The following ATP2B2 variants were observed in gnomAD, a reference collection of about 807,000 sequenced individuals.
ATP2B2 encodes the protein ATPase plasma membrane Ca2+ transporting 2.
In ATP2B2, 15 loss-of-function variants were observed where a neutral mutation model predicts 120.0. That is an observed-to-expected ratio of 0.12 (90% CI 0.08 to 0.19). The LOEUF (loss-of-function observed/expected upper bound fraction) is 0.19, where lower values mean the gene tolerates loss of function less well. Ranked by LOEUF, ATP2B2 falls within the 10% of genes least tolerant of loss-of-function variation. The pLI, the probability that ATP2B2 is intolerant of heterozygous loss-of-function variation, is 1.00. For missense variants in ATP2B2, 1,045 were observed against 1,719.8 expected, an observed-to-expected ratio of 0.61 and a Z score of 6.94; for synonymous variants, 694 against 700.3, an observed-to-expected ratio of 0.99 and a Z score of 0.14.
intron 14 of ATP2B2, among the ~76,000 whole-genome samples, chr3:10,352,426 G>T (rs866430073): frequency 1.0e-3 from 152 of 152,368 alleles, no homozygotes; most frequent in African/African-American, 3.5e-3. Context: ...GTGGCGTGAG[G>T]AACGGATGCT....
At chr3:10,425,139 T>TAA (rs967405156) in intron 2 of ATP2B2, among the ~76,000 whole-genome samples, 1 of 146,172 alleles carries the variant, frequency 6.8e-6, no homozygotes, top group African/African-American at 2.7e-5. Context: ...AAAATATATA[T>TAA]ATATACGTAT....
At chr3:10,483,568 C>T (rs1458677698) in intron 1 of ATP2B2, among the ~76,000 whole-genome samples, 6 of 152,272 alleles carry the variant, frequency 3.9e-5, no homozygotes, top group South Asian at 2.1e-4. Context: ...GTCTGATGAG[C>T]GATCTACCTG....
chr3:10,335,248 C>T (rs1056273422), intron 22 of ATP2B2, among the ~76,000 whole-genome samples: 1 of 152,166 alleles, frequency 6.6e-6, no homozygotes, highest in Non-Finnish European at 1.5e-5. Context: ...ATGTGAGGCT[C>T]GACCCACCAT....
chr3:10,392,234 T>C (rs1448802382), intron 5 of ATP2B2, among the ~76,000 whole-genome samples: 1 of 152,120 alleles, frequency 6.6e-6, no homozygotes, highest in African/African-American at 2.4e-5. Flanking sequence ...ATTTTGAACT[T>C]TCCAGGGTGG....
intron 1 of ATP2B2, among the ~76,000 whole-genome samples, chr3:10,707,708 G>C (rs933420626): frequency 2.0e-5 from 3 of 149,408 alleles, no homozygotes; most frequent in Non-Finnish European, 4.5e-5. Context: ...CCCGCCGCCT[G>C]GTGCCCGCTC....
chr3:10,684,834 T>G (rs940724579), intron 1 of ATP2B2, among the ~76,000 whole-genome samples: 1 of 152,206 alleles, frequency 6.6e-6, no homozygotes, highest in Non-Finnish European at 1.5e-5. Flanking sequence ...TCTTTGCCAA[T>G]TGGATGGCTA....
chr3:10,636,906 G>A (rs2070037408), intron 1 of ATP2B2, among the ~76,000 whole-genome samples: 1 of 152,170 alleles, frequency 6.6e-6, no homozygotes, highest in East Asian at 1.9e-4. Flanking sequence ...TGCTAATCAG[G>A]GCCTGTGTGT....
Position 10,688,543 on chromosome 3 carries a change from T to C in ATP2B2, c.-460+19372A>G, listed in dbSNP as rs1222581643. 3.3e-5 allele frequency among the ~76,000 whole-genome samples: 5 copies of C among 152,334 alleles called. No homozygotes were observed. The East Asian group carries it at 9.6e-4, about 29-fold the overall frequency. On this transcript the variant is annotated intron_variant, in intron 1 of 21. Transcript: ENST00000646379. ...AATTAGTCCAACTCCATTTTAGTTA[T>C]AGATGTGTCCCTGTTGGCTTGTGCC...
At chr3:10,680,415 G>A (rs923815271) in intron 1 of ATP2B2, among the ~76,000 whole-genome samples, 8 of 151,976 alleles carry the variant, frequency 5.3e-5, no homozygotes, top group African/African-American at 1.7e-4. Context: ...CCTCTTTATC[G>A]AGCTCTTAAA....
chr3:10,462,151 CG>C (rs2064520217), intron 1 of ATP2B2, among the ~76,000 whole-genome samples: 3 of 152,206 alleles, frequency 2.0e-5, no homozygotes, highest in South Asian at 2.1e-4. Flanking sequence ...CTTTCCACCA[CG>C]GCCTTTCTCC....
At chr3:10,643,440 C>G (rs937781428) in intron 1 of ATP2B2, among the ~76,000 whole-genome samples, 33 of 152,166 alleles carry the variant, frequency 2.2e-4, no homozygotes, top group African/African-American at 7.5e-4. Context: ...CATTATTTAC[C>G]TAGTCTTCAA....
At chr3:10,475,337 C>T (rs1439179049) in intron 1 of ATP2B2, among the ~76,000 whole-genome samples, 2 of 152,244 alleles carry the variant, frequency 1.3e-5, no homozygotes, top group Non-Finnish European at 2.9e-5. Flanking sequence ...AGAGCTCCCC[C>T]ACCCTCTGGG....
chr3:10,443,488 C>T (rs564711826), intron 2 of ATP2B2, among the ~76,000 whole-genome samples: 3 of 152,172 alleles, frequency 2.0e-5, no homozygotes, highest in African/African-American at 7.2e-5. Context: ...TTTAATGGGG[C>T]GGGGCTTATG....
intron 2 of ATP2B2, among the ~76,000 whole-genome samples, chr3:10,415,457 G>C (rs961104686): frequency 6.6e-6 from 1 of 152,150 alleles, no homozygotes; most frequent in African/African-American, 2.4e-5. Flanking sequence ...TCTCTTCTCT[G>C]GGCCTCAGTT....
chr3:10,434,095 G>T (rs1026144642), intron 2 of ATP2B2, among the ~76,000 whole-genome samples: 3 of 152,208 alleles, frequency 2.0e-5, no homozygotes, highest in African/African-American at 7.2e-5. Context: ...GCTAGGGGGT[G>T]GGGCATACCC....
chr3:10,533,688 C>T (rs867094729), intron 3 of ATP2B2, among the ~76,000 whole-genome samples: 1 of 152,176 alleles, frequency 6.6e-6, no homozygotes, highest in African/African-American at 2.4e-5. Context: ...ATTCAGGCAC[C>T]GGTCTATCCT....
At position 10,501,464 on chromosome 3, in the gene ATP2B2, G is replaced by A. The variant is rs543094628; in HGVS notation, c.-320+4001C>T. On this transcript the variant is annotated intron_variant, in intron 1 of 22. Transcript: ENST00000360273. Reference sequence around the variant, plus strand: ...CGGCTCACTGCAGCCTTGACCTCCCGGACTCAAGCGATCCTCCCACCTCAG... The same window carrying A: ...CGGCTCACTGCAGCCTTGACCTCCCAGACTCAAGCGATCCTCCCACCTCAG... Among the ~76,000 whole-genome samples the A allele has an allele frequency of 1.2e-4, 18 of 149,578 alleles. No individual in the cohort carries two copies. The South Asian group carries it at 2.3e-3, about 19-fold the overall frequency.
At chr3:10,500,085 C>T (rs897446995) in intron 1 of ATP2B2, among the ~76,000 whole-genome samples, 1 of 152,020 alleles carries the variant, frequency 6.6e-6, no homozygotes, top group Non-Finnish European at 1.5e-5. Context: ...CAGGCATGCA[C>T]CACCAGGCCC....
intron 1 of ATP2B2, among the ~76,000 whole-genome samples, chr3:10,457,223 T>A (rs1459444097): frequency 6.6e-6 from 1 of 151,754 alleles, no homozygotes; most frequent in Non-Finnish European, 1.5e-5. Context: ...AGTGTGGGTG[T>A]GTAGGGTGTA....
Sources: allele counts gnomAD v4.1 joint callset (sites outside exome capture counted in the v4.1 genomes callset), GRCh38; gene constraint gnomAD v4.1.1; transcripts MANE v1.5; gene names NCBI Gene and HGNC (gene_info 2026-07-23, HGNC 2026-07-21).